The following MCTP1 variants were observed in gnomAD, a reference collection of about 807,000 sequenced individuals.
MCTP1 encodes multiple C2 and transmembrane domain-containing protein 1.
A neutral mutation model predicts 120.6 loss-of-function variants in MCTP1; 69 were observed. The ratio of observed to expected loss-of-function variants is 0.57; its 90% CI spans 0.47 to 0.70. The LOEUF (loss-of-function observed/expected upper bound fraction) is 0.70, where lower values mean the gene tolerates loss of function less well. MCTP1 is among the 30% of genes least tolerant of loss of function. The probability of loss-of-function intolerance (pLI) is 0.00; values close to 1 mark genes in which losing one functional copy is unlikely to be tolerated. For missense variants in MCTP1, 1,203 were observed against 1,248.8 expected (o/e 0.96, Z 0.55); for synonymous variants, 529 against 493.1 (o/e 1.07, Z -0.96).
At chr5:94,810,853 A>G (rs1356921609) in intron 17 of MCTP1, among the ~76,000 whole-genome samples, 3 of 152,010 alleles carry the variant, frequency 2.0e-5, no homozygotes, top group Non-Finnish European at 4.4e-5. Flanking sequence ...GTTATTGTTG[A>G]TTATTCTTTG....
intron 1 of MCTP1, among the ~76,000 whole-genome samples, chr5:95,175,452 C>T (rs1006494648): frequency 6.6e-6 from 1 of 152,168 alleles, no homozygotes; most frequent in East Asian, 1.9e-4. Flanking sequence ...GTACCCTTTC[C>T]CTCTATTCCT....
At chr5:95,036,998 T>C (rs185352521) in intron 1 of MCTP1, among the ~76,000 whole-genome samples, 1 of 152,328 alleles carries the variant, frequency 6.6e-6, no homozygotes. Context: ...GATGTTTGGA[T>C]ACATTCTTTG....
In MCTP1 at chr5:95,229,047, T is replaced by C. The variant is rs532703463; in HGVS notation, c.720+54809A>G. Among the ~76,000 whole-genome samples the C allele has an allele frequency of 1.7e-4, 26 of 152,280 alleles. No individual in the cohort carries two copies. The South Asian group carries it at 5.4e-3, about 32-fold the overall frequency. On this transcript the variant is annotated intron_variant, in intron 1 of 22. Coordinates refer to ENST00000515393, the MANE Select transcript of MCTP1 (RefSeq NM_024717.7). ...GTAGAGAAGAAAACAGAGGGTGTCA[T>C]AGATGAGCACTTGATATGCTTTAAT...
Position 94,873,207 on chromosome 5 carries a change from G to A in MCTP1, c.1968C>T (p.Asn656=). 1.2e-6 allele frequency: 2 copies of A among 1,610,710 alleles called. No homozygotes were observed. Among genetic ancestry groups the A allele is most frequent in the African/African-American group, 2.7e-5 (2 of 74,892 alleles). The change falls in exon 13 of 23, where the codon AAC becomes AAT. Residue 656 remains asparagine, a synonymous_variant. Transcript: ENST00000515393. ...CAGTATGTGTTAGCAGTCTATCGTT[G>A]TTCAGTTCTACCACACAAAATGGGT... ...KSDPFCVVEL[N]NDRLLTHTVY... is the part of the protein sequence containing the mutation.
At chr5:95,175,868 A>C (rs1249474255) in intron 1 of MCTP1, among the ~76,000 whole-genome samples, 1 of 152,200 alleles carries the variant, frequency 6.6e-6, no homozygotes, top group Non-Finnish European at 1.5e-5. Flanking sequence ...AAATTACATA[A>C]GGTTTTCTCA....
intron 17 of MCTP1, among the ~76,000 whole-genome samples, chr5:94,865,040 T>C (rs971589520): frequency 6.6e-6 from 1 of 151,882 alleles, no homozygotes; most frequent in African/African-American, 2.4e-5. Flanking sequence ...AGGCAGACAA[T>C]ATTCACAGTA....
At chr5:95,178,920 C>A (rs189601209) in intron 1 of MCTP1, among the ~76,000 whole-genome samples, 1,707 of 152,054 alleles carry the variant, frequency 0.011, 24 homozygotes, top group Middle Eastern at 0.024. Flanking sequence ...TTAAAGAAAT[C>A]AAAAACATGA....
In MCTP1 at chr5:94,855,338, G is replaced by A. The variant is rs549211626; in HGVS notation, c.2436+12995C>T. Among the ~76,000 whole-genome samples the A allele has an allele frequency of 7.9e-5, 12 of 151,858 alleles. No homozygotes were observed. In the South Asian group the frequency reaches 1.7e-3, roughly 21 times the overall value. ...AGGCCTTGTCCTTCATTCAGAACTA[G>A]AACTGGCATAATTTTCTCCAAGAAA... On this transcript the variant is annotated intron_variant, in intron 17 of 22. Coordinates refer to ENST00000515393, the MANE Select transcript of MCTP1 (RefSeq NM_024717.7).
chr5:95,113,447 G>A (rs1757597168), intron 1 of MCTP1, among the ~76,000 whole-genome samples: 1 of 152,082 alleles, frequency 6.6e-6, no homozygotes, highest in Non-Finnish European at 1.5e-5. Flanking sequence ...GCTGCATGGT[G>A]TGGAGAGAGA....
chr5:94,835,553 A>G (rs1415834969), intron 17 of MCTP1, among the ~76,000 whole-genome samples: 1 of 152,190 alleles, frequency 6.6e-6, no homozygotes, highest in African/African-American at 2.4e-5. Context: ...TAGAGATGCT[A>G]TGTACAGCAA....
intron 1 of MCTP1, among the ~76,000 whole-genome samples, chr5:95,075,482 C>T (rs953024436): frequency 1.3e-5 from 2 of 151,908 alleles, no homozygotes; most frequent in East Asian, 1.9e-4. Context: ...TAATCTCTCA[C>T]GAAAACTTGC....
chr5:94,974,535 C>A (rs1399157789), intron 2 of MCTP1, among the ~76,000 whole-genome samples: 1 of 151,968 alleles, frequency 6.6e-6, no homozygotes, highest in Non-Finnish European at 1.5e-5. Context: ...GGCAACAGAG[C>A]AAGACCCTAT....
In MCTP1 at chr5:94,707,435, C is replaced by G; in HGVS notation, c.*61G>C. ...AGAAAGAAAGGAAATGCTGCTGAGG[C>G]TGAGGGCTTTTTCTTTTATCTTCCC... is the stretch of plus-strand genomic sequence containing the variant. On this transcript the variant is annotated 3_prime_UTR_variant, in exon 23 of 23. Coordinates refer to ENST00000515393, the MANE Select transcript of MCTP1 (RefSeq NM_024717.7). 7.9e-7 allele frequency: 1 copy of G among 1,267,056 alleles called. No individual in the cohort carries two copies. Among genetic ancestry groups the G allele is most frequent in the East Asian group, 2.3e-5 (1 of 43,108 alleles). The allele number at this position is 1,267,056 out of a possible 1,614,324, so 78.5% of individuals were successfully genotyped here.
At chr5:95,267,506 AG>A (rs1290323407) in intron 1 of MCTP1, among the ~76,000 whole-genome samples, 1 of 152,204 alleles carries the variant, frequency 6.6e-6, no homozygotes, top group African/African-American at 2.4e-5. Flanking sequence ...ATGTTTTTCC[AG>A]GGGGAAAGAC....
At chr5:95,006,976 TAAAG>T (rs1400290880) in intron 2 of MCTP1, among the ~76,000 whole-genome samples, 1 of 152,116 alleles carries the variant, frequency 6.6e-6, no homozygotes, top group African/African-American at 2.4e-5. Context: ...ATGCTGCTAA[TAAAG>T]ACACACCCAA....
intron 18 of MCTP1, 37 bp downstream of exon 18, chr5:94,798,976 A>G (rs370208752): frequency 6.3e-7 from 1 of 1,592,510 alleles, no homozygotes; most frequent in African/African-American, 1.4e-5. Flanking sequence ...TCAGAATAAG[A>G]ACAAAAACAC....
At chr5:94,845,398 C>G (rs1470046088) in intron 17 of MCTP1, among the ~76,000 whole-genome samples, 3 of 152,124 alleles carry the variant, frequency 2.0e-5, no homozygotes, top group African/African-American at 7.2e-5. Context: ...AACCGGGCCC[C>G]ATGATTCAAT....
chr5:94,930,843 C>T lies in MCTP1; in HGVS notation c.1212+1110G>A, dbSNP rs568674978. 17 of 152,114 alleles carry T rather than the reference C, an allele frequency of 1.1e-4. No homozygotes were observed. In the East Asian group the frequency reaches 3.3e-3, roughly 29 times the overall value. The allele number at this position is 152,114 out of a possible 1,614,324, so 9.4% of individuals were successfully genotyped here. ...AATATGAACAGTGCAAATATTTCTTCAAAACATCTTGAAACTTTATTTTGA... is the reference window on the plus strand; with the variant it reads ...AATATGAACAGTGCAAATATTTCTTTAAAACATCTTGAAACTTTATTTTGA... On this transcript the variant is annotated intron_variant, in intron 6 of 22. Coordinates refer to ENST00000515393, the MANE Select transcript of MCTP1 (RefSeq NM_024717.7).
chr5:94,934,847 T>C (rs371693888), intron 5 of MCTP1, among the ~76,000 whole-genome samples: 1 of 151,966 alleles, frequency 6.6e-6, no homozygotes, highest in East Asian at 1.9e-4. Flanking sequence ...CTAGGTTATT[T>C]AAGAGAGTGT....
Sources: gnomAD v4.1 joint callset for allele counts (sites outside exome capture counted in the v4.1 genomes callset) on GRCh38, gnomAD v4.1.1 for gene constraint, MANE v1.5 for transcripts, NCBI Gene and HGNC (gene_info 2026-07-23, HGNC 2026-07-21) for gene names.